Variants in ZDHHC20 observed in about 807,000 individuals in gnomAD.
ZDHHC20 encodes zDHHC palmitoyltransferase 20.
Under a neutral mutation model 57.8 loss-of-function variants are expected in ZDHHC20, and 43 were observed. The ratio of observed to expected loss-of-function variants is 0.74; its 90% confidence interval spans 0.58 to 0.96. The LOEUF is 0.96. ZDHHC20 is among the 40% of genes least tolerant of loss of function. The pLI is 0.00. For synonymous variants in ZDHHC20, 157 were observed against 153.0 expected (o/e 1.03, Z -0.19); for missense variants, 391 against 441.1 (o/e 0.89, Z 1.02).
chr13:21,400,574 C>T, intron 6 of ZDHHC20, 81 bp from the exon 7 acceptor site: 1 of 1,433,912 alleles, frequency 7.0e-7, no homozygotes, highest in African/African-American at 1.5e-5. Flanking sequence ...TGGAGGCTGC[C>T]AGGGGCTGGT....
intron 4 of ZDHHC20, among the ~76,000 whole-genome samples, chr13:21,407,137 C>A (rs1344357746): frequency 6.6e-6 from 1 of 152,052 alleles, no homozygotes; most frequent in Admixed American, 6.6e-5. Context: ...TACAGGTGCC[C>A]GCCACCAGGT....
intron 3 of ZDHHC20, among the ~76,000 whole-genome samples, chr13:21,414,228 CTT>C (rs34795716): frequency 1.1e-3 from 154 of 140,740 alleles, no homozygotes; most frequent in Non-Finnish European, 1.8e-3. Context: ...GCCAAGGAGT[CTT>C]TTTTTTTTTT....
intron 5 of ZDHHC20, among the ~76,000 whole-genome samples, chr13:21,402,070 A>G (rs1293583720): frequency 6.6e-6 from 1 of 151,866 alleles, no homozygotes; most frequent in African/African-American, 2.4e-5. Flanking sequence ...CCCTGTCCTG[A>G]AAAAAACAAA....
chr13:21,402,382 G>C (rs955497419), intron 5 of ZDHHC20, among the ~76,000 whole-genome samples: 1 of 151,676 alleles, frequency 6.6e-6, no homozygotes, highest in Non-Finnish European at 1.5e-5. Context: ...CTTATATGAA[G>C]GTAGACCACA....
chr13:21,458,462 G>C (rs1447096265), intron 1 of ZDHHC20, among the ~76,000 whole-genome samples: 1 of 152,038 alleles, frequency 6.6e-6, no homozygotes, highest in Non-Finnish European at 1.5e-5. Flanking sequence ...AGAAATAAAC[G>C]AATTTTACAA....
At position 21,449,163 on chromosome 13, in the gene ZDHHC20, C is replaced by T. The variant is rs538120350; in HGVS notation, c.118+9891G>A. Among the ~76,000 whole-genome samples, 5 of 147,806 alleles carry T rather than the reference C, an allele frequency of 3.4e-5. No homozygotes were observed. The South Asian group carries it at 1.1e-3, about 33-fold the overall frequency. On this transcript the variant is annotated intron_variant, in intron 1 of 12. Coordinates refer to ENST00000400590, the MANE Select transcript of ZDHHC20 (RefSeq NM_001330059.2). ...CTGCTGACCTTCCCTCCACTATTGT[C>T]CCATGACCCTGCCAAATCCCCCTCT...
chr13:21,447,417 C>G (rs894688316), intron 1 of ZDHHC20, among the ~76,000 whole-genome samples: 20 of 145,782 alleles, frequency 1.4e-4, no homozygotes, highest in Non-Finnish European at 2.1e-4. Context: ...CTCAGCCTGC[C>G]GAGTGCCTGC....
rs538786267 is a variant in ZDHHC20 at position 21,455,120 on chromosome 13, C to T, written c.118+3934G>A. On this transcript the variant is annotated intron_variant, in intron 1 of 12. Coordinates refer to ENST00000400590, the MANE Select transcript of ZDHHC20 (RefSeq NM_001330059.2). Reference sequence around the variant, plus strand: ...TATTTTTAGAGAGATGGGGTTTCACCGTGTTAGCCAGGATGGTTTCGATCT... The same window carrying T: ...TATTTTTAGAGAGATGGGGTTTCACTGTGTTAGCCAGGATGGTTTCGATCT... Among the ~76,000 whole-genome samples the T allele has an allele frequency of 3.3e-5, 5 of 152,238 alleles. 1 individual carries two copies. Among genetic ancestry groups the T allele is most frequent in the African/African-American group, 1.2e-4 (5 of 41,520 alleles).
rs1240228603 is a variant in ZDHHC20 at position 21,373,094 on chromosome 13, T to G, written c.*3602A>C. On this transcript the variant is annotated 3_prime_UTR_variant, in exon 13 of 13. Coordinates refer to ENST00000400590, the MANE Select transcript of ZDHHC20 (RefSeq NM_001330059.2). ...GTATTATCTGTTTCTAACAGATTAT[T>G]ACAGGCGGTCTTTATTTTGGCTGAA... is the stretch of plus-strand genomic sequence containing the variant. 6.6e-6 allele frequency: 1 copy of G among 152,202 alleles called. No homozygotes were observed. Among genetic ancestry groups the G allele is most frequent in the Non-Finnish European group, 1.5e-5 (1 of 68,020 alleles). The allele number at this position is 152,202 out of a possible 1,614,324, so 9.4% of individuals were successfully genotyped here.
intron 4 of ZDHHC20, 98 bp downstream of exon 4, chr13:21,413,554 T>C (rs1444762446): frequency 2.7e-6 from 3 of 1,108,678 alleles, no homozygotes; most frequent in Non-Finnish European, 3.7e-6. Flanking sequence ...ATGGCAATCA[T>C]AGTATCCATT....
At chr13:21,384,672 T>C (rs1874126281) in intron 9 of ZDHHC20, among the ~76,000 whole-genome samples, 1 of 152,156 alleles carries the variant, frequency 6.6e-6, no homozygotes, top group Non-Finnish European at 1.5e-5. Context: ...TTCACAGCAC[T>C]GGGAAGCATT....
At chr13:21,378,850 A>C in intron 11 of ZDHHC20, 112 bp from the exon 12 acceptor site, 1 of 528,166 alleles carries the variant, frequency 1.9e-6, no homozygotes, top group Non-Finnish European at 3.1e-6. Flanking sequence ...TAAATACAAA[A>C]TAGGCTTATG....
At chr13:21,424,116 A>G (rs1880979283) in intron 2 of ZDHHC20, among the ~76,000 whole-genome samples, 1 of 152,208 alleles carries the variant, frequency 6.6e-6, no homozygotes, top group South Asian at 2.1e-4. Context: ...AGAATATGGT[A>G]AGTACTTAAA....
intron 3 of ZDHHC20, 62 bp downstream of exon 3, chr13:21,420,999 C>G (rs1566094984): frequency 1.5e-6 from 2 of 1,372,690 alleles, no homozygotes; most frequent in African/African-American, 2.9e-5. Context: ...AAAGGTAACA[C>G]AAGGGAAAAA....
chr13:21,403,263 G>A (rs1877960932), intron 4 of ZDHHC20, among the ~76,000 whole-genome samples: 1 of 150,326 alleles, frequency 6.7e-6, no homozygotes, highest in South Asian at 2.1e-4. Context: ...CATCCTGTGG[G>A]ATTGTTTTTG....
At position 21,442,839 on chromosome 13, in the gene ZDHHC20, G is replaced by T. The variant is rs58674796; in HGVS notation, c.118+16215C>A. Among the ~76,000 whole-genome samples, 699 of 151,800 alleles carry T rather than the reference G, an allele frequency of 4.6e-3. 10 individuals carry two copies. The highest frequency in any genetic ancestry group is 0.016 in the African/African-American group (660 of 41,452). ...ATATTTATGTCTGGATACTGAATTAGTTCTCTTCTTTGTTGCCTTTTAATG... is the reference window on the plus strand; with the variant it reads ...ATATTTATGTCTGGATACTGAATTATTTCTCTTCTTTGTTGCCTTTTAATG... On this transcript the variant is annotated intron_variant, in intron 1 of 12. Transcript: ENST00000400590.
chr13:21,448,399 C>T (rs1166573450), intron 1 of ZDHHC20, among the ~76,000 whole-genome samples: 21 of 115,068 alleles, frequency 1.8e-4, no homozygotes, highest in South Asian at 2.9e-4. Flanking sequence ...GCCAGCCGCC[C>T]CGTCCGGGAG....
In ZDHHC20 at chr13:21,375,063, G is replaced by A. The variant is rs1871843176; in HGVS notation, c.*1633C>T. 2.2e-6 allele frequency: 1 copy of A among 452,328 alleles called. No homozygotes were observed. Among genetic ancestry groups the A allele is most frequent in the Non-Finnish European group, 4.4e-6 (1 of 225,608 alleles). The allele number at this position is 452,328 out of a possible 1,614,324, so 28.0% of individuals were successfully genotyped here. On this transcript the variant is annotated 3_prime_UTR_variant, in exon 13 of 13. Transcript: ENST00000400590. Reference sequence around the variant, plus strand: ...GCAGGAGACTCTATTGAACCTGGAAGGCAGAGGTTGCAGCGAGCCAAGATC... The same window carrying A: ...GCAGGAGACTCTATTGAACCTGGAAAGCAGAGGTTGCAGCGAGCCAAGATC...
chr13:21,434,439 T>C (rs1429368778), intron 1 of ZDHHC20, among the ~76,000 whole-genome samples: 1 of 152,232 alleles, frequency 6.6e-6, no homozygotes, highest in East Asian at 1.9e-4. Flanking sequence ...TGTTAAAGCA[T>C]ATAGTATCCA....
Sources: allele counts gnomAD v4.1 joint callset (sites outside exome capture counted in the v4.1 genomes callset), GRCh38; gene constraint gnomAD v4.1.1; transcripts MANE v1.5; gene names NCBI Gene and HGNC (gene_info 2026-07-23, HGNC 2026-07-21).